The following MMP9 variants were observed in gnomAD, a reference collection of about 807,000 sequenced individuals.
The protein encoded by MMP9 is matrix metalloproteinase-9.
A neutral mutation model predicts 76.4 loss-of-function variants in MMP9; 73 were observed. The observed-to-expected ratio is 0.96, with a 90% CI of 0.79 to 1.16. The LOEUF is 1.16. MMP9 is among the 50% of genes most tolerant of loss of function. MMP9 has a pLI of 0.00. For synonymous variants in MMP9, 412 were observed against 408.4 expected, an observed-to-expected ratio of 1.01 and a Z score of -0.11; for missense variants, 943 against 973.0, an observed-to-expected ratio of 0.97 and a Z score of 0.41.
Position 46,011,312 on chromosome 20 carries a change from C to A in MMP9, c.819C>A (p.Ser273Arg). The A allele has an allele frequency of 6.2e-7, 1 of 1,603,486 alleles. No individual in the cohort carries two copies. Among genetic ancestry groups the A allele is most frequent in the Non-Finnish European group, 8.5e-7 (1 of 1,177,872 alleles). ...DTDDRFGFCP[S>R]ERLYTQDGNA... is the part of the protein sequence containing the mutation. ...ACGACCGGTTTGGCTTCTGCCCCAG[C>A]GAGAGTGAGTGAGGGGGCTCGCCGA... is the stretch of plus-strand genomic sequence containing the variant. The change falls in exon 5 of 13, where the codon AGC (serine) becomes AGA (arginine). Residue 273 changes from serine to arginine, a missense_variant. Ser to Arg is a moderately radical substitution (Grantham distance 110). Transcript: ENST00000372330.
chr20:46,011,026 T>C lies in MMP9; in HGVS notation c.625T>C (p.Leu209=), dbSNP rs996375532. The change falls in exon 4 of 13, where the codon TTG becomes CTG. Residue 209 remains leucine (L), a synonymous_variant. Coordinates refer to ENST00000372330, the MANE Select transcript of MMP9 (RefSeq NM_004994.3). ...AGACGCCCATTTCGACGATGACGAG[T>C]TGTGGTCCCTGGGCAAGGGCGTCGG... is the stretch of plus-strand genomic sequence containing the variant. The part of the protein sequence containing the change: ...QGDAHFDDDE[L]WSLGKGVVVP... 1.2e-6 allele frequency: 2 copies of C among 1,610,224 alleles called. No homozygotes were observed. The highest frequency in any genetic ancestry group is 1.3e-5 in the African/African-American group (1 of 74,740).
At position 46,013,209 on chromosome 20, in the gene MMP9, G is replaced by A; in HGVS notation, c.1331-46G>A. 6.2e-7 allele frequency: 1 copy of A among 1,612,080 alleles called. No homozygotes were observed. Reference sequence around the variant, plus strand: ...GGGGAGCAGATGTTCTAGGGGTACAGAGGTATGCAGGAATAGGAAGAGTCT... The same window carrying A: ...GGGGAGCAGATGTTCTAGGGGTACAAAGGTATGCAGGAATAGGAAGAGTCT... On this transcript the variant is annotated intron_variant, in intron 8 of 12. Transcript: ENST00000372330. The surrounding 1 kb of genome is among the most constrained non-coding windows in gnomAD (Gnocchi z 4.5).
chr20:46,014,402 C>T lies in MMP9; in HGVS notation c.1933C>T (p.Arg645Trp), dbSNP rs1256036447. 1.3e-6 allele frequency: 2 copies of T among 1,549,698 alleles called. No individual in the cohort carries two copies. Among genetic ancestry groups the T allele is most frequent in the Non-Finnish European group, 1.7e-6 (2 of 1,146,982 alleles). ...CGTGAAGGCGCAGATGGTGGATCCC[C>T]GGAGCGCCAGCGAGGTGGACCGGAT... ...FDVKAQMVDP[R>W]SASEVDRMFP... Residue 645 changes from arginine (R) to tryptophan (W), a missense_variant, in exon 12 of 13, where the codon CGG becomes TGG. Arg to Trp is a moderately radical substitution (Grantham distance 101, BLOSUM62 -3). Coordinates refer to ENST00000372330, the MANE Select transcript of MMP9 (RefSeq NM_004994.3).
In MMP9 at chr20:46,012,574, A is replaced by T. The variant is rs141702644; in HGVS notation, c.1322A>T (p.His441Leu). The change falls in exon 8 of 13, where the codon CAC (histidine) becomes CTC (leucine). Residue 441 changes from histidine to leucine, a missense_variant. Transcript: ENST00000372330. ...AAGGACGACGTGAATGGCATCCGGCACCTCTATGGTGAGGCAGGGGCAGGG... is the reference window on the plus strand; with the variant it reads ...AAGGACGACGTGAATGGCATCCGGCTCCTCTATGGTGAGGCAGGGGCAGGG... Reference protein sequence around the residue: ...LHKDDVNGIRHLYGPRPEPEP... With the variant: ...LHKDDVNGIRLLYGPRPEPEP... The T allele has an allele frequency of 5.0e-6, 8 of 1,611,086 alleles. No individual in the cohort carries two copies. In the African/African-American group the frequency reaches 9.5e-5, roughly 19 times the overall value.
At position 46,013,944 on chromosome 20, in the gene MMP9, G is replaced by C; in HGVS notation, c.1750+148G>C. On this transcript the variant is annotated intron_variant, in intron 10 of 12. Transcript: ENST00000372330. This position sits in a 1 kb window ranked among gnomAD's most constrained non-coding sequence, Gnocchi z 4.5. The stretch of plus-strand genomic sequence containing the variant: ...CAGTTTAGCAAACGTAGGGGCGGCT[G>C]AGTTTCTGCCCCCTCCTCTCCACGC... 2 of 1,401,830 alleles carry C rather than the reference G, an allele frequency of 1.4e-6. No homozygotes were observed. The highest frequency in any genetic ancestry group is 1.9e-6 in the Non-Finnish European group (2 of 1,030,802). 86.8% of individuals were successfully genotyped at this position (1,401,830 alleles called of 1,614,324 possible).
At chr20:46,016,118 A>G in intron 12 of MMP9, 132 bp from the exon 13 acceptor site, 1 of 870,806 alleles carries the variant, frequency 1.1e-6, no homozygotes. Context: ...GGTTGGGGGG[A>G]TGGAGGTGAT....
chr20:46,013,229 G>A lies in MMP9; in HGVS notation c.1331-26G>A. 1 of 1,613,980 alleles carries A rather than the reference G, an allele frequency of 6.2e-7. No homozygotes were observed. The highest frequency in any genetic ancestry group is 1.3e-5 in the African/African-American group (1 of 75,012). On this transcript the variant is annotated intron_variant, in intron 8 of 12. Transcript: ENST00000372330. This position sits in a 1 kb window ranked among gnomAD's most constrained non-coding sequence, Gnocchi z 4.5. ...GTACAGAGGTATGCAGGAATAGGAA[G>A]AGTCTCACCCCGTGTCTCTTTTTAG...
At chr20:46,012,385 G>C in intron 7 of MMP9, 42 bp from the exon 8 acceptor site, 1 of 1,613,536 alleles carries the variant, frequency 6.2e-7, no homozygotes, top group South Asian at 1.1e-5. Flanking sequence ...AGGGCTGGGG[G>C]CTCGGCCCGG....
At position 46,013,698 on chromosome 20, in the gene MMP9, A is replaced by AG; in HGVS notation, c.1655dup (p.Phe554LeufsTer19). On this transcript the variant is annotated frameshift_variant, in exon 10 of 13. Coordinates refer to ENST00000372330, the MANE Select transcript of MMP9 (RefSeq NM_004994.3). LOFTEE classifies it high-confidence loss of function. This position sits in a 1 kb window ranked among gnomAD's most constrained non-coding sequence, Gnocchi z 4.5. ...TCTGAGGGCAGGGGGAGCCGGCCGC[A>AG]GGGCCCCTTCCTTATCGCCGACAAG... 6.2e-7 allele frequency: 1 copy of AG among 1,613,598 alleles called. No individual in the cohort carries two copies. The highest frequency in any genetic ancestry group is 8.5e-7 in the Non-Finnish European group (1 of 1,179,884).
At position 46,014,324 on chromosome 20, in the gene MMP9, C is replaced by T. The variant is rs563773373; in HGVS notation, c.1902-47C>T. 1.9e-5 allele frequency: 29 copies of T among 1,539,908 alleles called. No individual in the cohort carries two copies. The South Asian group carries it at 2.9e-4, about 15-fold the overall frequency. On this transcript the variant is annotated intron_variant, in intron 11 of 12. Coordinates refer to ENST00000372330, the MANE Select transcript of MMP9 (RefSeq NM_004994.3). ...AGGGGGAGCCCGGGCGCCGTCGGTC[C>T]GTCCGCTAGCCGGCTCAGCACCTGT...
Position 46,013,992 on chromosome 20 carries a change from C to CCT in MMP9, c.1751-129_1751-128dup. The CCT allele has an allele frequency of 2.1e-6, 3 of 1,438,452 alleles. No homozygotes were observed. Among genetic ancestry groups the CCT allele is most frequent in the Non-Finnish European group, 2.8e-6 (3 of 1,067,992 alleles). 89.1% of individuals were successfully genotyped at this position (1,438,452 alleles called of 1,614,324 possible). Reference sequence around the variant, plus strand: ...CGCCCTCGCGTCGCTCTACCCAGCGCCTCTGCCCCTGGGTTGCAGGGACTG... The same window carrying CCT: ...CGCCCTCGCGTCGCTCTACCCAGCGCCTCTCTGCCCCTGGGTTGCAGGGACTG... On this transcript the variant is annotated intron_variant, in intron 10 of 12. Transcript: ENST00000372330. This position sits in a 1 kb window ranked among gnomAD's most constrained non-coding sequence, Gnocchi z 4.5.
Position 46,014,254 on chromosome 20 carries a change from C to G in MMP9, c.1881C>G (p.Phe627Leu), listed in dbSNP as rs1341573154. Residue 627 changes from phenylalanine (F) to leucine (L), a missense_variant, in exon 11 of 13, where the codon TTC becomes TTG. Phe to Leu is a conservative substitution (Grantham distance 22). Coordinates refer to ENST00000372330, the MANE Select transcript of MMP9 (RefSeq NM_004994.3). ...GTGGCAGGGGGAAGATGCTGCTGTT[C>G]AGCGGGCGGCGCCTCTGGAGGTGAG... ...LRSGRGKMLL[F>L]SGRRLWRFDV... The G allele has an allele frequency of 6.6e-7, 1 of 1,525,500 alleles. No homozygotes were observed. The highest frequency in any genetic ancestry group is 8.8e-7 in the Non-Finnish European group (1 of 1,139,200). The allele number at this position is 1,525,500 out of a possible 1,614,324, so 94.5% of individuals were successfully genotyped here. A position where few individuals can be genotyped will look rare whatever the true frequency, so the allele number is the denominator to read the frequency against.
At position 46,015,943 on chromosome 20, in the gene MMP9, C is replaced by T. The variant is rs144948683; in HGVS notation, c.2006-307C>T. On this transcript the variant is annotated intron_variant, in intron 12 of 12. Transcript: ENST00000372330. ...TGAACAGATTTGTTCAATGAATGAGCGTTGAATGAATTGTTCTGAGCATTA... is the reference window on the plus strand; with the variant it reads ...TGAACAGATTTGTTCAATGAATGAGTGTTGAATGAATTGTTCTGAGCATTA... Among the ~76,000 whole-genome samples the T allele has an allele frequency of 5.7e-3, 867 of 152,288 alleles. 7 individuals are homozygous for T. Among genetic ancestry groups the T allele is most frequent in the African/African-American group, 8.8e-3 (367 of 41,540 alleles).
rs1262349389 is a variant in MMP9 at position 46,013,969 on chromosome 20, C to T, written c.1751-155C>T. On this transcript the variant is annotated intron_variant, in intron 10 of 12. Coordinates refer to ENST00000372330, the MANE Select transcript of MMP9 (RefSeq NM_004994.3). This position sits in a 1 kb window ranked among gnomAD's most constrained non-coding sequence, Gnocchi z 4.5. ...GAGTTTCTGCCCCCTCCTCTCCACG[C>T]CCTCGCGTCGCTCTACCCAGCGCCT... The T allele has an allele frequency of 5.0e-6, 7 of 1,396,052 alleles. 1 individual carries two copies. The highest frequency in any genetic ancestry group is 6.8e-6 in the Non-Finnish European group (7 of 1,032,130). The allele number at this position is 1,396,052 out of a possible 1,614,324, so 86.5% of individuals were successfully genotyped here. A position where few individuals can be genotyped will look rare whatever the true frequency, so the allele number is the denominator to read the frequency against.
At chr20:46,011,373 G>C in intron 5 of MMP9, 57 bp downstream of exon 5, 1 of 1,588,300 alleles carries the variant, frequency 6.3e-7, no homozygotes, top group Non-Finnish European at 8.5e-7. Context: ...ATGGTCCTGG[G>C]TTCTAATTCC....
rs201932479 is a variant in MMP9 at position 46,010,949 on chromosome 20, G to C, written c.548G>C (p.Gly183Ala). ...CACGGAGACGGGTATCCCTTCGACG[G>C]GAAGGACGGGCTCCTGGCACACGCC... ...AEHGDGYPFD[G>A]KDGLLAHAFP... is the part of the protein sequence containing the mutation. Residue 183 changes from glycine (G) to alanine (A), a missense_variant, in exon 4 of 13, where the codon GGG (glycine) becomes GCG (alanine). Gly to Ala is a moderately conservative substitution (Grantham distance 60, BLOSUM62 0). Transcript: ENST00000372330. 1.2e-6 allele frequency: 2 copies of C among 1,614,238 alleles called. No individual in the cohort carries two copies. The highest frequency in any genetic ancestry group is 2.2e-5 in the South Asian group (2 of 91,088).
In MMP9 at chr20:46,012,205, A is replaced by G. The variant is rs200855672; in HGVS notation, c.1066A>G (p.Lys356Glu). 28 of 1,613,978 alleles carry G rather than the reference A, an allele frequency of 1.7e-5. No homozygotes were observed. Among genetic ancestry groups the G allele is most frequent in the Non-Finnish European group, 2.3e-5 (27 of 1,180,032 alleles). The change falls in exon 7 of 13, where the codon AAG (lysine) becomes GAG (glutamate). Residue 356 changes from lysine (K) to glutamate (E), a missense_variant. Coordinates refer to ENST00000372330, the MANE Select transcript of MMP9 (RefSeq NM_004994.3). The part of the protein sequence containing the change: ...LCVFPFTFLG[K>E]EYSTCTSEGR... ...CGTCTTCCCCTTCACTTTCCTGGGT[A>G]AGGAGTACTCGACCTGTACCAGCGA... is the stretch of plus-strand genomic sequence containing the variant.
chr20:46,010,341 A>G (rs949710046), intron 2 of MMP9, 142 bp from the exon 3 acceptor site: 1 of 916,640 alleles, frequency 1.1e-6, no homozygotes, highest in East Asian at 2.5e-5. Flanking sequence ...AAAAAAAAAA[A>G]CAGTCTGGAA....
At chr20:46,014,344 A>ACCTGTCTCCTCCGCG in intron 11 of MMP9, 27 bp from the exon 12 acceptor site, 1 of 1,544,730 alleles carries the variant, frequency 6.5e-7, no homozygotes, top group Non-Finnish European at 8.7e-7. Flanking sequence ...CCGGCTCAGC[A>ACCTGTCTCCTCCGCG]CCTGTCTCCT....
Sources: allele counts gnomAD v4.1 joint callset (sites outside exome capture counted in the v4.1 genomes callset), GRCh38; gene constraint gnomAD v4.1.1; non-coding constraint Gnocchi (gnomAD v3.1); transcripts MANE v1.5; gene names NCBI Gene and HGNC (gene_info 2026-07-23, HGNC 2026-07-21).